Variants in LRRC58 observed in about 807,000 individuals in gnomAD.
LRRC58 encodes leucine-rich repeat-containing protein 58.
A neutral mutation model predicts 30.6 loss-of-function variants in LRRC58; 18 were observed. That is an observed-to-expected ratio of 0.59 (90% confidence interval 0.41 to 0.87). The LOEUF (loss-of-function observed/expected upper bound fraction) is 0.87, where lower values mean the gene tolerates loss of function less well. Ranked by LOEUF, LRRC58 falls within the 40% of genes least tolerant of loss-of-function variation. The pLI, the probability that LRRC58 is intolerant of heterozygous loss-of-function variation, is 0.00. For synonymous variants in LRRC58, 221 were observed against 206.0 expected (o/e 1.07, Z -0.62); for missense variants, 420 against 468.4 (o/e 0.90, Z 0.95).
chr3:120,346,570 A>AT (rs1480897813), intron 1 of LRRC58, among the ~76,000 whole-genome samples: 2 of 152,046 alleles, frequency 1.3e-5, no homozygotes, highest in Non-Finnish European at 2.9e-5. Flanking sequence ...AATAAATGGG[A>AT]TTTTTGCCTA....
At position 120,326,950 on chromosome 3, in the gene LRRC58, T is replaced by C. The variant is rs1034534440; in HGVS notation, c.*4250A>G. On this transcript the variant is annotated 3_prime_UTR_variant, in exon 4 of 4. Transcript: ENST00000295628. The stretch of plus-strand genomic sequence containing the variant: ...AAGGTAAACATTAACCAAGGCTACC[T>C]GTTATATCACAAATTCCAGGTTAAT... 4 of 152,230 alleles carry C rather than the reference T, an allele frequency of 2.6e-5. No homozygotes were observed. Among genetic ancestry groups the C allele is most frequent in the Non-Finnish European group, 5.9e-5 (4 of 68,030 alleles). The allele number at this position is 152,230 out of a possible 1,614,324, so 9.4% of individuals were successfully genotyped here. A position where few individuals can be genotyped will look rare whatever the true frequency, so the allele number is the denominator to read the frequency against.
rs543729824 is a variant in LRRC58 at position 120,348,391 on chromosome 3, T to A, written c.500+353A>T. ...GCTCAAAGGCACGTACTTTGATCTA[T>A]AGAGATGGAAATCCACGGAAGACTT... On this transcript the variant is annotated intron_variant, in intron 1 of 3. Coordinates refer to ENST00000295628, the MANE Select transcript of LRRC58 (RefSeq NM_001099678.2). Among the ~76,000 whole-genome samples, 4 of 152,294 alleles carry A rather than the reference T, an allele frequency of 2.6e-5. No homozygotes were observed. In the East Asian group the frequency reaches 7.7e-4, roughly 29 times the overall value.
chr3:120,331,243 G>A lies in LRRC58; in HGVS notation c.1073C>T (p.Ala358Val). ...SQSESDSEDE[A>V]SVAARRMQKV... ...CTGCATTCTGCGTGCAGCAACACTAGCTTCATCTTCTGAGTCAGATTCACT... is the reference window on the plus strand; with the variant it reads ...CTGCATTCTGCGTGCAGCAACACTAACTTCATCTTCTGAGTCAGATTCACT... The change falls in exon 4 of 4, where the codon GCT becomes GTT. Residue 358 changes from alanine (A) to valine (V), a missense_variant. Coordinates refer to ENST00000295628, the MANE Select transcript of LRRC58 (RefSeq NM_001099678.2). The A allele has an allele frequency of 6.2e-7, 1 of 1,613,952 alleles. No individual in the cohort carries two copies. Among genetic ancestry groups the A allele is most frequent in the Non-Finnish European group, 8.5e-7 (1 of 1,179,866 alleles).
In LRRC58 at chr3:120,344,199, CAG is replaced by C. The variant is rs376464285; in HGVS notation, c.500+4543_500+4544del. On this transcript the variant is annotated intron_variant, in intron 1 of 3. Coordinates refer to ENST00000295628, the MANE Select transcript of LRRC58 (RefSeq NM_001099678.2). ...AGTAGAAAACAGAAAGGAAAAGAAA[CAG>C]AAAGATAAGAACATCTGTGGATAAA... Among the ~76,000 whole-genome samples the C allele has an allele frequency of 9.2e-5, 14 of 152,110 alleles. No individual in the cohort carries two copies. In the East Asian group the frequency reaches 1.4e-3, roughly 15 times the overall value.
intron 1 of LRRC58, among the ~76,000 whole-genome samples, chr3:120,337,394 T>C (rs1269442156): frequency 6.6e-6 from 1 of 152,238 alleles, no homozygotes; most frequent in Non-Finnish European, 1.5e-5. Context: ...TAGCATCTTT[T>C]TATGGTTTTA....
chr3:120,334,724 CAG>C lies in LRRC58; in HGVS notation c.907+136_907+137del, dbSNP rs569267094. 3.1e-4 allele frequency: 251 copies of C among 817,188 alleles called. No individual in the cohort carries two copies. The African/African-American group carries it at 4.0e-3, about 13-fold the overall frequency. 50.6% of individuals were successfully genotyped at this position (817,188 alleles called of 1,614,324 possible). ...ATGAAAAAGAATTTTTTAAAAAACC[CAG>C]AGTGAAATGTCTTTCTCATAAATGA... On this transcript the variant is annotated intron_variant, in intron 3 of 3. Coordinates refer to ENST00000295628, the MANE Select transcript of LRRC58 (RefSeq NM_001099678.2).
chr3:120,331,828 C>T (rs183507696), intron 3 of LRRC58, among the ~76,000 whole-genome samples: 28 of 152,162 alleles, frequency 1.8e-4, no homozygotes, highest in South Asian at 6.2e-4. Flanking sequence ...AATTAGTATA[C>T]GAAAAATTTT....
intron 1 of LRRC58, among the ~76,000 whole-genome samples, chr3:120,337,788 T>A (rs1389286822): frequency 6.6e-6 from 1 of 152,182 alleles, no homozygotes; most frequent in Non-Finnish European, 1.5e-5. Context: ...TTCAAGCTCA[T>A]GACTGCTAAA....
chr3:120,334,192 G>A (rs1935800321), intron 3 of LRRC58, among the ~76,000 whole-genome samples: 1 of 152,132 alleles, frequency 6.6e-6, no homozygotes, highest in African/African-American at 2.4e-5. Context: ...GTGAGTCTAA[G>A]AAAACATCAT....
rs1198112637 is a variant in LRRC58 at position 120,327,320 on chromosome 3, C to T, written c.*3880G>A. 7.2e-6 allele frequency: 1 copy of T among 138,742 alleles called. No homozygotes were observed. Among genetic ancestry groups the T allele is most frequent in the Non-Finnish European group, 1.5e-5 (1 of 66,324 alleles). 8.6% of individuals were successfully genotyped at this position (138,742 alleles called of 1,614,324 possible). ...AGGCGGGAGTGCAGTGGCGCAATCT[C>T]GGCTCACTGCAAGCTCCGCCTCCCG... is the stretch of plus-strand genomic sequence containing the variant. On this transcript the variant is annotated 3_prime_UTR_variant, in exon 4 of 4. Coordinates refer to ENST00000295628, the MANE Select transcript of LRRC58 (RefSeq NM_001099678.2).
chr3:120,332,872 C>G (rs890051836), intron 3 of LRRC58, among the ~76,000 whole-genome samples: 2 of 152,014 alleles, frequency 1.3e-5, no homozygotes, highest in Admixed American at 6.6e-5. Flanking sequence ...ACCTCAGCCT[C>G]CTGAGTAGCT....
rs1935682075 is a variant in LRRC58, at chr3:120,326,851, C to G, written c.*4349G>C. 1 of 152,190 alleles carries G rather than the reference C, an allele frequency of 6.6e-6. No homozygotes were observed. Among genetic ancestry groups the G allele is most frequent in the South Asian group, 2.1e-4 (1 of 4,836 alleles). 9.4% of individuals were successfully genotyped at this position (152,190 alleles called of 1,614,324 possible). ...ACCATTAACTTTTTTTACATAGCTA[C>G]TGCTAAAATGCTTTAAAAGACCAAA... On this transcript the variant is annotated 3_prime_UTR_variant, in exon 4 of 4. Coordinates refer to ENST00000295628, the MANE Select transcript of LRRC58 (RefSeq NM_001099678.2).
In LRRC58 at chr3:120,325,909, G is replaced by C. The variant is rs954203171; in HGVS notation, c.*5291C>G. The C allele has an allele frequency of 1.3e-5, 2 of 152,162 alleles. No homozygotes were observed. The allele number at this position is 152,162 out of a possible 1,614,324, so 9.4% of individuals were successfully genotyped here. On this transcript the variant is annotated 3_prime_UTR_variant, in exon 4 of 4. Coordinates refer to ENST00000295628, the MANE Select transcript of LRRC58 (RefSeq NM_001099678.2). ...ACATCCTGGGACAGAATGCATGGTA[G>C]AGGTTCCCTCCCCAGAAGTCCTAGA...
Position 120,330,982 on chromosome 3 carries a change from A to G in LRRC58, c.*218T>C, listed in dbSNP as rs925488595. On this transcript the variant is annotated 3_prime_UTR_variant, in exon 4 of 4. Coordinates refer to ENST00000295628, the MANE Select transcript of LRRC58 (RefSeq NM_001099678.2). ...ACTGCAAACCATCAGCCAAATGTGA[A>G]ACTATCATTCACAAATTATGTTAAA... is the stretch of plus-strand genomic sequence containing the variant. The G allele has an allele frequency of 1.9e-6, 1 of 534,982 alleles. No individual in the cohort carries two copies. The highest frequency in any genetic ancestry group is 3.4e-6 in the Non-Finnish European group (1 of 297,066). 33.1% of individuals were successfully genotyped at this position (534,982 alleles called of 1,614,324 possible). A position where few individuals can be genotyped will look rare whatever the true frequency, so the allele number is the denominator to read the frequency against.
intron 1 of LRRC58, among the ~76,000 whole-genome samples, chr3:120,348,139 GC>G (rs1322129520): frequency 6.6e-6 from 1 of 152,178 alleles, no homozygotes. Context: ...ATAGGCGTTT[GC>G]CAGGTGAAGG....
At chr3:120,345,916 T>G (rs1935962450) in intron 1 of LRRC58, among the ~76,000 whole-genome samples, 1 of 152,248 alleles carries the variant, frequency 6.6e-6, no homozygotes, top group Admixed American at 6.5e-5. Flanking sequence ...ACTATGTGAA[T>G]GACTTTGACA....
At chr3:120,344,593 C>A (rs1935944377) in intron 1 of LRRC58, among the ~76,000 whole-genome samples, 1 of 152,108 alleles carries the variant, frequency 6.6e-6, no homozygotes, top group African/African-American at 2.4e-5. Flanking sequence ...CTTTCAAAAC[C>A]ACATCAAACA....
intron 1 of LRRC58, among the ~76,000 whole-genome samples, chr3:120,345,646 G>C (rs1240920802): frequency 5.9e-5 from 9 of 152,222 alleles, no homozygotes; most frequent in African/African-American, 2.2e-4. Context: ...AGAAGGGGAT[G>C]AATCGGGTCA....
intron 3 of LRRC58, among the ~76,000 whole-genome samples, chr3:120,333,947 C>T (rs373761446): frequency 1.3e-5 from 2 of 152,158 alleles, no homozygotes; most frequent in East Asian, 1.9e-4. Context: ...CTCATTGTTT[C>T]CAGATCTAAT....
Sources: allele counts gnomAD v4.1 joint callset (sites outside exome capture counted in the v4.1 genomes callset), GRCh38; gene constraint gnomAD v4.1.1; transcripts MANE v1.5; gene names NCBI Gene and HGNC (gene_info 2026-07-23, HGNC 2026-07-21).